CACNG5: variants seen among roughly 807,000 people sequenced by gnomAD.
CACNG5 encodes the protein calcium voltage-gated channel auxiliary subunit gamma 5, also known as voltage-dependent calcium channel gamma-5 subunit.
Under a neutral mutation model 24.8 loss-of-function variants are expected in CACNG5, and 18 were observed. The ratio of observed to expected loss-of-function variants is 0.73; its 90% CI spans 0.50 to 1.08. The LOEUF is 1.08. CACNG5 is among the 50% of genes least tolerant of loss of function. The pLI is 0.00. For synonymous variants in CACNG5, 157 were observed against 149.1 expected (o/e 1.05, Z -0.39); for missense variants, 349 against 367.9 (o/e 0.95, Z 0.42).
intron 1 of CACNG5, among the ~76,000 whole-genome samples, chr17:66,865,297 G>A (rs949855885): frequency 2.0e-5 from 3 of 147,062 alleles, no homozygotes; most frequent in Non-Finnish European, 4.5e-5. Flanking sequence ...GTTTTGATCT[G>A]GGCATGCATA....
In CACNG5 at chr17:66,884,634, C is replaced by A; in HGVS notation, c.543C>A (p.Phe181Leu). 6.2e-7 allele frequency: 1 copy of A among 1,614,146 alleles called. No individual in the cohort carries two copies. Among genetic ancestry groups the A allele is most frequent in the South Asian group, 1.1e-5 (1 of 91,072 alleles). The change falls in exon 5 of 6, where the codon TTC becomes TTA. Residue 181 changes from phenylalanine to leucine, a missense_variant. Transcript: ENST00000533854. The part of the protein sequence containing the change: ...FNYKYGWSFA[F>L]AAISFLLTES... The stretch of plus-strand genomic sequence containing the variant: ...ACAAGTATGGGTGGTCGTTTGCCTT[C>A]GCCGCCATCTCCTTCCTTTTAACGG...
chr17:66,873,570 G>A (rs563020834), intron 1 of CACNG5, among the ~76,000 whole-genome samples: 5 of 152,328 alleles, frequency 3.3e-5, no homozygotes, highest in East Asian at 1.9e-4. Flanking sequence ...GGCAACAGCA[G>A]TCGTGCTTCA....
chr17:66,843,396 T>A (rs1976592938), intron 1 of CACNG5, among the ~76,000 whole-genome samples: 1 of 152,226 alleles, frequency 6.6e-6, no homozygotes. Flanking sequence ...TCAGTGACCC[T>A]TGTTGCTTTT....
intron 1 of CACNG5, among the ~76,000 whole-genome samples, chr17:66,859,993 A>G (rs1004694041): frequency 6.6e-6 from 1 of 152,160 alleles, no homozygotes; most frequent in Non-Finnish European, 1.5e-5. Flanking sequence ...TTGAATCTTT[A>G]GCTCACTTAT....
At chr17:66,876,505 C>G (rs1159737948) in intron 1 of CACNG5, among the ~76,000 whole-genome samples, 1 of 152,202 alleles carries the variant, frequency 6.6e-6, no homozygotes, top group African/African-American at 2.4e-5. Flanking sequence ...CTCTTTTTCT[C>G]GTTCATTGCT....
At chr17:66,852,042 A>G (rs1990342) in intron 1 of CACNG5, among the ~76,000 whole-genome samples, 168 of 152,342 alleles carry the variant, frequency 1.1e-3, no homozygotes, top group African/African-American at 3.7e-3. Flanking sequence ...GTGGATGGGC[A>G]CCATCTAATC....
rs1977092256 is a variant in CACNG5, at chr17:66,877,259, C to G, written c.-74C>G. 3.8e-6 allele frequency: 5 copies of G among 1,331,942 alleles called. No individual in the cohort carries two copies. In the Admixed American group the frequency reaches 7.6e-5, roughly 20 times the overall value. The allele number at this position is 1,331,942 out of a possible 1,614,324, so 82.5% of individuals were successfully genotyped here. On this transcript the variant is annotated 5_prime_UTR_variant, in exon 2 of 6. Coordinates refer to ENST00000533854, the MANE Select transcript of CACNG5 (RefSeq NM_145811.3). ...GTGGGTACTGCCACCTGCTCACCCA[C>G]TCTCCCTAGCCCCAGAGCGCAGTCC...
Position 66,887,414 on chromosome 17 carries a change from C to A in CACNG5, c.*2174C>A, listed in dbSNP as rs371469490. On this transcript the variant is annotated 3_prime_UTR_variant, in exon 6 of 6. Coordinates refer to ENST00000533854, the MANE Select transcript of CACNG5 (RefSeq NM_145811.3). ...AAACTGATAGCAACTGCAAGGCCCC[C>A]CTCCCTCTCCACTGGCACCCTTGCA... 8.6e-5 allele frequency among the ~76,000 whole-genome samples: 13 copies of A among 152,008 alleles called. No homozygotes were observed. Among genetic ancestry groups the A allele is most frequent in the African/African-American group, 3.1e-4 (13 of 41,358 alleles).
chr17:66,842,311 C>T (rs1403689656), intron 1 of CACNG5, among the ~76,000 whole-genome samples: 2 of 152,206 alleles, frequency 1.3e-5, no homozygotes, highest in Admixed American at 6.5e-5. Flanking sequence ...TCCCTGCTGG[C>T]TCTTGCTCAG....
At chr17:66,843,018 T>C (rs1297770428) in intron 1 of CACNG5, among the ~76,000 whole-genome samples, 1 of 152,252 alleles carries the variant, frequency 6.6e-6, no homozygotes, top group African/African-American at 2.4e-5. Flanking sequence ...TGTTAGGACA[T>C]TTCCGAAAGA....
intron 1 of CACNG5, among the ~76,000 whole-genome samples, chr17:66,865,006 G>A (rs1014166396): frequency 5.9e-5 from 9 of 152,106 alleles, no homozygotes; most frequent in African/African-American, 2.2e-4. Context: ...AAGCCATCCT[G>A]CTGCCTCAGC....
At chr17:66,850,434 A>T (rs1976698171) in intron 1 of CACNG5, among the ~76,000 whole-genome samples, 2 of 152,206 alleles carry the variant, frequency 1.3e-5, no homozygotes, top group African/African-American at 4.8e-5. Context: ...GTGCCCCAGG[A>T]AGAAGCAGAG....
At chr17:66,853,887 C>T (rs1233689300) in intron 1 of CACNG5, among the ~76,000 whole-genome samples, 1 of 151,942 alleles carries the variant, frequency 6.6e-6, no homozygotes, top group African/African-American at 2.4e-5. Flanking sequence ...ACAAGAATAT[C>T]ACTATCATCA....
chr17:66,846,878 C>T (rs1421274492), intron 1 of CACNG5, among the ~76,000 whole-genome samples: 1 of 152,204 alleles, frequency 6.6e-6, no homozygotes, highest in Non-Finnish European at 1.5e-5. Flanking sequence ...ACTTTACGCT[C>T]CCACCTGCAA....
At position 66,877,454 on chromosome 17, in the gene CACNG5, T is replaced by C; in HGVS notation, c.122T>C (p.Ile41Thr). ...TGGCTGTACCTGGAGGAGGGTGTGA[T>C]TGTGCCCCAGAACCAGAGCACCGAG... Reference protein sequence around the residue: ...DYWLYLEEGVIVPQNQSTEIK... With the variant: ...DYWLYLEEGVTVPQNQSTEIK... Residue 41 changes from isoleucine (I) to threonine (T), a missense_variant, in exon 2 of 6, where the codon ATT becomes ACT. Ile to Thr is a moderately conservative substitution (Grantham distance 89, BLOSUM62 -1). Coordinates refer to ENST00000533854, the MANE Select transcript of CACNG5 (RefSeq NM_145811.3). 1.2e-6 allele frequency: 2 copies of C among 1,613,942 alleles called. No homozygotes were observed. Among genetic ancestry groups the C allele is most frequent in the Non-Finnish European group, 8.5e-7 (1 of 1,179,974 alleles).
In CACNG5 at chr17:66,888,022, A is replaced by G. The variant is rs984675786; in HGVS notation, c.*2782A>G. Among the ~76,000 whole-genome samples the G allele has an allele frequency of 6.6e-6, 1 of 152,020 alleles. No homozygotes were observed. Among genetic ancestry groups the G allele is most frequent in the Non-Finnish European group, 1.5e-5 (1 of 68,008 alleles). On this transcript the variant is annotated 3_prime_UTR_variant, in exon 6 of 6. Coordinates refer to ENST00000533854, the MANE Select transcript of CACNG5 (RefSeq NM_145811.3). Reference sequence around the variant, plus strand: ...AATTAGGGTCTCTTCTTCAATATACATTCTGATCTTTTGTTTCCTCAAGCA... The same window carrying G: ...AATTAGGGTCTCTTCTTCAATATACGTTCTGATCTTTTGTTTCCTCAAGCA...
At position 66,888,387 on chromosome 17, in the gene CACNG5, A is replaced by G. The variant is rs997568037; in HGVS notation, c.*3147A>G. On this transcript the variant is annotated 3_prime_UTR_variant, in exon 6 of 6. Coordinates refer to ENST00000533854, the MANE Select transcript of CACNG5 (RefSeq NM_145811.3). ...GTGAAACCCTGTCTCTACTAAAAAT[A>G]CAAAAAATTAGCTGGGCGTGGTGGT... 6.6e-6 allele frequency among the ~76,000 whole-genome samples: 1 copy of G among 151,516 alleles called. No homozygotes were observed. Among genetic ancestry groups the G allele is most frequent in the Non-Finnish European group, 1.5e-5 (1 of 67,866 alleles).
chr17:66,886,127 A>G lies in CACNG5; in HGVS notation c.*887A>G, dbSNP rs775878878. On this transcript the variant is annotated 3_prime_UTR_variant, in exon 6 of 6. Transcript: ENST00000533854. ...GGTCCTGGGGATACTGTCCCCTTAC[A>G]AGGGTAATATTTCCGGACCAAGGCC... is the stretch of plus-strand genomic sequence containing the variant. Among the ~76,000 whole-genome samples the G allele has an allele frequency of 6.6e-6, 1 of 152,148 alleles. No individual in the cohort carries two copies. The highest frequency in any genetic ancestry group is 2.4e-5 in the African/African-American group (1 of 41,434).
intron 1 of CACNG5, among the ~76,000 whole-genome samples, chr17:66,864,464 A>G (rs1332625936): frequency 6.6e-6 from 1 of 152,148 alleles, no homozygotes; most frequent in Non-Finnish European, 1.5e-5. Flanking sequence ...ATCTCAATGC[A>G]TTTCCTTCAT....
Sources: gnomAD v4.1 joint callset for allele counts (sites outside exome capture counted in the v4.1 genomes callset) on GRCh38, gnomAD v4.1.1 for gene constraint, MANE v1.5 for transcripts, NCBI Gene and HGNC (gene_info 2026-07-23, HGNC 2026-07-21) for gene names.